The following LYPLAL1 variants were observed in gnomAD, a reference collection of about 807,000 sequenced individuals.
LYPLAL1 encodes lysophospholipase-like protein 1.
Under a neutral mutation model 19.7 loss-of-function variants are expected in LYPLAL1, and 23 were observed. The observed-to-expected ratio is 1.17, with a 90% CI of 0.84 to 1.65. The LOEUF (loss-of-function observed/expected upper bound fraction) is 1.65. Among genes scored for constraint, LYPLAL1 ranks in the 40% most tolerant of loss-of-function variants. LYPLAL1 has a pLI of 0.00. For synonymous variants in LYPLAL1, 119 were observed against 96.3 expected (o/e 1.24, Z -1.38); for missense variants, 355 against 279.4 (o/e 1.27, Z -1.93).
chr1:219,218,902 C>T, the LYPLAL1 span, among the ~76,000 whole-genome samples: 509 of 152,254 alleles, frequency 3.3e-3, 7 homozygotes, highest in African/African-American at 0.012. Flanking sequence ...GTCCTGGCCC[C>T]ATCCAGCCAA....
chr1:219,422,033 G>A, the LYPLAL1 span, among the ~76,000 whole-genome samples: 1 of 152,140 alleles, frequency 6.6e-6, no homozygotes, highest in African/African-American at 2.4e-5. Context: ...TCTAAGCTTT[G>A]AAGTTAACAC....
At chr1:219,355,710 A>G in the LYPLAL1 span, among the ~76,000 whole-genome samples, 4 of 152,210 alleles carry the variant, frequency 2.6e-5, no homozygotes, top group Non-Finnish European at 5.9e-5. Context: ...AAGATAGACC[A>G]TATGGAAGGC....
chr1:219,209,290 C>T (rs1658813806), intron 3 of LYPLAL1, among the ~76,000 whole-genome samples: 2 of 152,178 alleles, frequency 1.3e-5, no homozygotes, highest in East Asian at 3.9e-4. Flanking sequence ...GTAATCTTCT[C>T]TCGGGTATTT....
At chr1:219,272,729 T>C in the LYPLAL1 span, 1 of 151,362 alleles carries the variant, frequency 6.6e-6, no homozygotes, top group Non-Finnish European at 1.5e-5. Flanking sequence ...TGAGGCGAGA[T>C]GGCACCATTC....
intron 3 of LYPLAL1, chr1:219,200,703 A>G: frequency 4.1e-6 from 1 of 241,764 alleles, no homozygotes; most frequent in Non-Finnish European, 8.5e-6. Flanking sequence ...ACACATCTTG[A>G]TCTGCTTGCT....
the LYPLAL1 span, among the ~76,000 whole-genome samples, chr1:219,374,398 T>C: frequency 6.6e-6 from 1 of 152,000 alleles, no homozygotes; most frequent in African/African-American, 2.4e-5. Flanking sequence ...CTGGGACCTA[T>C]GGTGTCCTTG....
chr1:219,339,964 C>T, the LYPLAL1 span, among the ~76,000 whole-genome samples: 1 of 152,010 alleles, frequency 6.6e-6, no homozygotes, highest in African/African-American at 2.4e-5. Flanking sequence ...ATCAATTTCT[C>T]CCTTTCCAAT....
chr1:219,356,424 C>G, the LYPLAL1 span, among the ~76,000 whole-genome samples: 4 of 152,072 alleles, frequency 2.6e-5, no homozygotes, highest in African/African-American at 9.7e-5. Context: ...CGCTTGAACC[C>G]GGGAGGCGGA....
the LYPLAL1 span, among the ~76,000 whole-genome samples, chr1:219,337,225 A>G: frequency 2.6e-5 from 4 of 151,950 alleles, no homozygotes; most frequent in African/African-American, 9.7e-5. Context: ...ACATATACAA[A>G]ATCCCTTTTA....
At chr1:219,191,385 G>C (rs1222393964) in intron 2 of LYPLAL1, among the ~76,000 whole-genome samples, 1 of 151,556 alleles carries the variant, frequency 6.6e-6, no homozygotes, top group Non-Finnish European at 1.5e-5. Context: ...TGATTAAATT[G>C]CAGAATATGC....
At chr1:219,359,403 C>G in the LYPLAL1 span, among the ~76,000 whole-genome samples, 1 of 152,230 alleles carries the variant, frequency 6.6e-6, no homozygotes, top group African/African-American at 2.4e-5. Context: ...GGGGCTTGAG[C>G]TCTTTTAGAG....
rs1046201322 is a variant in LYPLAL1, at chr1:219,212,202, C to T, written c.*474C>T. On this transcript the variant is annotated 3_prime_UTR_variant, in exon 5 of 5. Coordinates refer to ENST00000366928, the MANE Select transcript of LYPLAL1 (RefSeq NM_138794.5). ...ATCACAAGAGCTTTGTGAAGTAAGC[C>T]GAGAAGTTGTTACTGGTATTTAATA... is the stretch of plus-strand genomic sequence containing the variant. 1 of 152,152 alleles carries T rather than the reference C, an allele frequency of 6.6e-6. No homozygotes were observed. The highest frequency in any genetic ancestry group is 2.4e-5 in the African/African-American group (1 of 41,380). The allele number at this position is 152,152 out of a possible 1,614,324, so 9.4% of individuals were successfully genotyped here.
At chr1:219,362,818 G>C in the LYPLAL1 span, among the ~76,000 whole-genome samples, 1 of 151,956 alleles carries the variant, frequency 6.6e-6, no homozygotes, top group African/African-American at 2.4e-5. Context: ...TTTTATTTTA[G>C]GGAGATCAAC....
the LYPLAL1 span, among the ~76,000 whole-genome samples, chr1:219,295,487 G>A: frequency 1.3e-5 from 2 of 152,128 alleles, no homozygotes; most frequent in African/African-American, 4.8e-5. Context: ...ATTCAGTATT[G>A]AAAAGAGATT....
the LYPLAL1 span, among the ~76,000 whole-genome samples, chr1:219,357,835 A>G: frequency 6.6e-6 from 1 of 152,228 alleles, no homozygotes; most frequent in African/African-American, 2.4e-5. Context: ...CATGCATACA[A>G]TGGAATACTA....
At chr1:219,271,629 T>C in the LYPLAL1 span, 1 of 152,242 alleles carries the variant, frequency 6.6e-6, no homozygotes, top group Non-Finnish European at 1.5e-5. Flanking sequence ...TGCTTTCTTA[T>C]CAGACTAATG....
chr1:219,312,790 G>A, the LYPLAL1 span, among the ~76,000 whole-genome samples: 52,070 of 152,000 alleles, frequency 0.34, 9,801 homozygotes, highest in East Asian at 0.81. Flanking sequence ...GATAGGCTGC[G>A]TTAGAGAAGG....
intron 2 of LYPLAL1, among the ~76,000 whole-genome samples, chr1:219,182,726 AT>A (rs1656395546): frequency 6.6e-6 from 1 of 152,070 alleles, no homozygotes; most frequent in Admixed American, 6.6e-5. Context: ...TTGTAAACCC[AT>A]AAGTTTTTCT....
At chr1:219,301,783 T>C in the LYPLAL1 span, among the ~76,000 whole-genome samples, 7 of 152,206 alleles carry the variant, frequency 4.6e-5, no homozygotes, top group African/African-American at 1.4e-4. Flanking sequence ...TTTTTAAATG[T>C]ACATTTTAAT....
Sources: gnomAD v4.1 joint callset for allele counts (sites outside exome capture counted in the v4.1 genomes callset) on GRCh38, gnomAD v4.1.1 for gene constraint, MANE v1.5 for transcripts, NCBI Gene and HGNC (gene_info 2026-07-23, HGNC 2026-07-21) for gene names.